Variants in PCDHGA2 observed in about 807,000 individuals in gnomAD.
The protein encoded by PCDHGA2 is protocadherin gamma subfamily A, 2, also known as protocadherin gamma-A2.
PCDHGA2 carries 40 observed loss-of-function variants against 59.2 expected under a neutral mutation model. That is an observed-to-expected ratio of 0.68 (90% confidence interval 0.52 to 0.88). The LOEUF is 0.88. PCDHGA2 is among the 40% of genes least tolerant of loss of function. The pLI is 0.00. For missense variants in PCDHGA2, 1,226 were observed against 1,204.0 expected (o/e 1.02, Z -0.27); for synonymous variants, 560 against 526.0 (o/e 1.06, Z -0.89).
At chr5:141,450,998 T>C (rs2098703513) in intron 1 of PCDHGA2, among the ~76,000 whole-genome samples, 1 of 151,696 alleles carries the variant, frequency 6.6e-6, no homozygotes, top group Non-Finnish European at 1.5e-5. Flanking sequence ...CTAATTTTTT[T>C]GTATTTTTTT....
intron 1 of PCDHGA2, among the ~76,000 whole-genome samples, chr5:141,397,572 C>T (rs374731219): frequency 1.8e-4 from 27 of 152,196 alleles, no homozygotes; most frequent in Middle Eastern, 3.4e-3. Context: ...AGAGCAAGAA[C>T]TGTATCATAT....
rs2099748976 is a variant in PCDHGA2, at chr5:141,493,566, C to G, written c.2425-1241C>G. Among the ~76,000 whole-genome samples, 1 of 152,168 alleles carries G rather than the reference C, an allele frequency of 6.6e-6. No individual in the cohort carries two copies. Among genetic ancestry groups the G allele is most frequent in the African/African-American group, 2.4e-5 (1 of 41,436 alleles). ...TTTTGGAGATTGAGTTCCCCCAGCT[C>G]CGTTTCCTCCTATCACAATCACTGC... is the stretch of plus-strand genomic sequence containing the variant. On this transcript the variant is annotated intron_variant, in intron 1 of 3. Transcript: ENST00000394576. The surrounding 1 kb of genome is among the most constrained non-coding windows in gnomAD (Gnocchi z 4.3).
intron 1 of PCDHGA2, chr5:141,366,631 C>T (rs1330710940): frequency 3.7e-6 from 6 of 1,614,138 alleles, no homozygotes; most frequent in Non-Finnish European, 5.1e-6. Flanking sequence ...GGAAGAGTCA[C>T]CTGATCTTTC....
Position 141,352,215 on chromosome 5 carries a change from C to T in PCDHGA2, c.2424+10820C>T, listed in dbSNP as rs780390612. The T allele has an allele frequency of 1.0e-4, 162 of 1,613,958 alleles. No homozygotes were observed. The highest frequency in any genetic ancestry group is 1.4e-4 in the Non-Finnish European group (160 of 1,179,914). On this transcript the variant is annotated intron_variant, in intron 1 of 3. Transcript: ENST00000394576. ...GATGGAGGACAGCCGCCACTCTCCG[C>T]CACCGCCACGCTGCACCTAATCTTC...
intron 1 of PCDHGA2, chr5:141,375,764 G>C (rs746447899): frequency 1.9e-6 from 3 of 1,614,234 alleles, no homozygotes; most frequent in Non-Finnish European, 1.7e-6. Flanking sequence ...CAATGCGCCC[G>C]AGATCCTGTA....
chr5:141,383,186 G>A (rs760844021), intron 1 of PCDHGA2: 4 of 1,614,100 alleles, frequency 2.5e-6, no homozygotes, highest in Non-Finnish European at 3.4e-6. Flanking sequence ...GAAGAGATCT[G>A]CGCTCAGAGT....
At chr5:141,370,778 C>T in intron 1 of PCDHGA2, 1 of 1,613,986 alleles carries the variant, frequency 6.2e-7, no homozygotes, top group Non-Finnish European at 8.5e-7. Flanking sequence ...ATATTAACGA[C>T]AACCCACCGA....
At chr5:141,441,537 C>A in intron 1 of PCDHGA2, 1 of 173,250 alleles carries the variant, frequency 5.8e-6, no homozygotes, top group Non-Finnish European at 1.2e-5. Context: ...ACAATCTTCC[C>A]AAAGCCTCCA....
At chr5:141,428,117 G>T in intron 1 of PCDHGA2, 2 of 1,607,102 alleles carry the variant, frequency 1.2e-6, no homozygotes, top group East Asian at 2.2e-5. Context: ...AGGCCATCGA[G>T]CCCGGGCTTT....
intron 3 of PCDHGA2, chr5:141,507,313 T>TAC (rs1554192306): frequency 6.7e-6 from 1 of 150,168 alleles, no homozygotes. Context: ...CATAATGTAC[T>TAC]AAAAAAAAAA....
chr5:141,414,721 G>A (rs373261988), intron 1 of PCDHGA2: 29 of 1,614,004 alleles, frequency 1.8e-5, no homozygotes, highest in Middle Eastern at 1.6e-4. Flanking sequence ...CTCAGACACT[G>A]GCGTCCTGTA....
intron 1 of PCDHGA2, chr5:141,382,913 C>G: frequency 5.2e-6 from 8 of 1,553,234 alleles, no homozygotes; most frequent in Non-Finnish European, 7.0e-6. Context: ...GCGGCTCAGC[C>G]GAGGGGCGGG....
chr5:141,388,698 G>T (rs752631718), intron 1 of PCDHGA2: 2 of 1,613,886 alleles, frequency 1.2e-6, no homozygotes, highest in Admixed American at 1.7e-5. Context: ...CCAGGATGAG[G>T]GTGTCAATGC....
intron 1 of PCDHGA2, chr5:141,400,117 T>C (rs2093964744): frequency 1.2e-6 from 2 of 1,614,050 alleles, no homozygotes; most frequent in Non-Finnish European, 1.7e-6. Context: ...TGCTGACAGC[T>C]TGCAGGAGGT....
At chr5:141,453,922 T>C (rs2098777315) in intron 1 of PCDHGA2, among the ~76,000 whole-genome samples, 1 of 152,230 alleles carries the variant, frequency 6.6e-6, no homozygotes, top group African/African-American at 2.4e-5. Context: ...CAGTGATCAG[T>C]CACTGTGTGC....
At chr5:141,430,217 T>C (rs1055487905) in intron 1 of PCDHGA2, among the ~76,000 whole-genome samples, 1 of 150,102 alleles carries the variant, frequency 6.7e-6, no homozygotes, top group Non-Finnish European at 1.5e-5. Context: ...TATTATATTA[T>C]ATGATTTGTC....
intron 1 of PCDHGA2, chr5:141,350,904 G>A: frequency 6.2e-7 from 1 of 1,614,054 alleles, no homozygotes; most frequent in Non-Finnish European, 8.5e-7. Flanking sequence ...ATGGATGGCG[G>A]GGACCCGCCT....
chr5:141,410,420 C>T (rs1426515605), intron 1 of PCDHGA2: 4 of 1,613,926 alleles, frequency 2.5e-6, no homozygotes, highest in Non-Finnish European at 3.4e-6. Flanking sequence ...ACCTGTAGTT[C>T]CCCCCAACTA....
chr5:141,483,904 T>A (rs11750647), intron 1 of PCDHGA2, among the ~76,000 whole-genome samples: 24,531 of 151,676 alleles, frequency 0.16, 2,105 homozygotes, highest in African/African-American at 0.21. Context: ...CTCTGGTGTG[T>A]TTCCCACTCA....
Sources: allele counts gnomAD v4.1 joint callset (sites outside exome capture counted in the v4.1 genomes callset), GRCh38; gene constraint gnomAD v4.1.1; non-coding constraint Gnocchi (gnomAD v3.1); transcripts MANE v1.5; gene names NCBI Gene and HGNC (gene_info 2026-07-23, HGNC 2026-07-21).